Variants in MPZL3 observed in about 807,000 individuals in gnomAD.
MPZL3 encodes the protein myelin protein zero like 3, also known as myelin protein zero-like protein 3.
Under a neutral mutation model 24.8 loss-of-function variants are expected in MPZL3, and 23 were observed. That is an observed-to-expected ratio of 0.93 (90% CI 0.67 to 1.31). MPZL3 has a LOEUF of 1.31. Ranked by LOEUF, MPZL3 falls within the 40% of genes most tolerant of loss-of-function variation. The pLI is 0.00. For missense variants in MPZL3, 277 were observed against 294.9 expected (o/e 0.94, Z 0.44); for synonymous variants, 99 against 106.5 (o/e 0.93, Z 0.44).
chr11:118,249,053 T>TGTTG (rs993868939), intron 1 of MPZL3, among the ~76,000 whole-genome samples: 1 of 151,826 alleles, frequency 6.6e-6, no homozygotes, highest in African/African-American at 2.4e-5. Context: ...TTTGTTTGTT[T>TGTTG]GTTTTTTGAG....
chr11:118,230,012 G>C, intron 5 of MPZL3, 92 bp from the exon 6 acceptor site: 1 of 1,191,312 alleles, frequency 8.4e-7, no homozygotes. Flanking sequence ...ATGGAACCTG[G>C]CTTGGGGAGA....
At chr11:118,246,696 C>T (rs552259129) in intron 1 of MPZL3, among the ~76,000 whole-genome samples, 12 of 151,326 alleles carry the variant, frequency 7.9e-5, no homozygotes, top group Non-Finnish European at 1.6e-4. Flanking sequence ...GTGATCCTCC[C>T]ATCTCAGCCT....
intron 1 of MPZL3, among the ~76,000 whole-genome samples, chr11:118,250,558 C>A (rs1949608147): frequency 6.6e-6 from 1 of 150,668 alleles, no homozygotes; most frequent in African/African-American, 2.5e-5. Flanking sequence ...ATATGATAAA[C>A]CAGTTGTTTC....
At chr11:118,231,788 T>A (rs1949355133) in intron 5 of MPZL3, among the ~76,000 whole-genome samples, 1 of 152,148 alleles carries the variant, frequency 6.6e-6, no homozygotes, top group African/African-American at 2.4e-5. Context: ...CTTCAAACTA[T>A]AATCAGAATA....
intron 1 of MPZL3, among the ~76,000 whole-genome samples, chr11:118,243,334 T>C (rs1445581150): frequency 1.3e-5 from 2 of 152,174 alleles, no homozygotes; most frequent in Admixed American, 6.5e-5. Flanking sequence ...CGAGGCCATA[T>C]AAACGGCCCA....
chr11:118,235,456 G>A lies in MPZL3; in HGVS notation c.585C>T (p.Gly195=). The A allele has an allele frequency of 1.2e-6, 2 of 1,613,858 alleles. No individual in the cohort carries two copies. Among genetic ancestry groups the A allele is most frequent in the Non-Finnish European group, 1.7e-6 (2 of 1,179,884 alleles). The stretch of plus-strand genomic sequence containing the variant: ...AAACCTCAATAGATGACTTCTTATA[G>A]CCAGACCTGCTCCTCTTCTTCAGCC... ...AAGLKKRSRS[G]YKKSSIEVSD... is the part of the protein sequence containing the mutation. The change falls in exon 4 of 6, where the codon GGC becomes GGT. Residue 195 remains glycine (G), a synonymous_variant. Transcript: ENST00000278949.
rs1018293160 is a variant in MPZL3, at chr11:118,228,446, T to C, written c.*1448A>G. The C allele has an allele frequency of 6.6e-6, 1 of 152,226 alleles. No homozygotes were observed. The highest frequency in any genetic ancestry group is 1.5e-5 in the Non-Finnish European group (1 of 68,046). The allele number at this position is 152,226 out of a possible 1,614,324, so 9.4% of individuals were successfully genotyped here. A position where few individuals can be genotyped will look rare whatever the true frequency, so the allele number is the denominator to read the frequency against. ...ACTATTACAGAAGACTATTTATATA[T>C]GCACCATCCATCTTTACTGATATAC... is the stretch of plus-strand genomic sequence containing the variant. On this transcript the variant is annotated 3_prime_UTR_variant, in exon 6 of 6. Transcript: ENST00000278949.
chr11:118,249,651 G>C (rs73024606), intron 1 of MPZL3, among the ~76,000 whole-genome samples: 63,446 of 151,470 alleles, frequency 0.42, 15,131 homozygotes, highest in South Asian at 0.72. Flanking sequence ...AATCTTGTAT[G>C]CCCCATTTTC....
rs539824795 is a variant in MPZL3 at position 118,244,918 on chromosome 11, T to C, written c.74-4541A>G. ...GGTGAAACCCCGTCTCTACTAAAAA[T>C]ACAAAAAATTAGTGGGGCGTGGTGG... On this transcript the variant is annotated intron_variant, in intron 1 of 5. Transcript: ENST00000278949. Among the ~76,000 whole-genome samples, 39 of 151,848 alleles carry C rather than the reference T, an allele frequency of 2.6e-4. 1 individual carries two copies. The South Asian group carries it at 7.5e-3, about 29-fold the overall frequency.
In MPZL3 at chr11:118,240,993, C is replaced by T. The variant is rs148341133; in HGVS notation, c.74-616G>A. Among the ~76,000 whole-genome samples the T allele has an allele frequency of 1.4e-3, 209 of 152,288 alleles. 1 individual carries two copies. The highest frequency in any genetic ancestry group is 4.8e-3 in the African/African-American group (201 of 41,536). On this transcript the variant is annotated intron_variant, in intron 1 of 5. Transcript: ENST00000278949. ...AAAGCTGGCTGAGGAATCACACATCCATTAAAAGTAAATCATGGAGAAGAA... is the reference window on the plus strand; with the variant it reads ...AAAGCTGGCTGAGGAATCACACATCTATTAAAAGTAAATCATGGAGAAGAA...
intron 5 of MPZL3, among the ~76,000 whole-genome samples, chr11:118,231,570 G>C (rs966168024): frequency 1.3e-5 from 2 of 152,012 alleles, no homozygotes; most frequent in African/African-American, 4.8e-5. Flanking sequence ...ATCTCCACTT[G>C]GAAGTTTAAT....
At position 118,226,959 on chromosome 11, in the gene MPZL3, A is replaced by G. The variant is rs1949279071; in HGVS notation, c.*2935T>C. On this transcript the variant is annotated 3_prime_UTR_variant, in exon 6 of 6. Transcript: ENST00000278949. ...CTTCTTACAGTTTCCCTTTAGAACC[A>G]TAACTGAGTGACTTAGTAGAACATT... The G allele has an allele frequency of 6.6e-6, 1 of 152,240 alleles. No homozygotes were observed. The highest frequency in any genetic ancestry group is 1.5e-5 in the Non-Finnish European group (1 of 68,046). The allele number at this position is 152,240 out of a possible 1,614,324, so 9.4% of individuals were successfully genotyped here. A position where few individuals can be genotyped will look rare whatever the true frequency, so the allele number is the denominator to read the frequency against.
chr11:118,244,107 C>T (rs1424668965), intron 1 of MPZL3, among the ~76,000 whole-genome samples: 3 of 152,204 alleles, frequency 2.0e-5, no homozygotes, highest in African/African-American at 4.8e-5. Flanking sequence ...CTTTTCTATA[C>T]TTATTTTACT....
intron 1 of MPZL3, among the ~76,000 whole-genome samples, chr11:118,250,168 A>ATTTTTTTTTT (rs71041823): frequency 9.6e-5 from 10 of 104,260 alleles, no homozygotes; most frequent in Non-Finnish European, 1.5e-4. Flanking sequence ...CACCTGGCTA[A>ATTTTTTTTTT]TTTTTTTTTT....
At chr11:118,234,833 T>G (rs530070104) in intron 4 of MPZL3, among the ~76,000 whole-genome samples, 13 of 152,258 alleles carry the variant, frequency 8.5e-5, no homozygotes, top group African/African-American at 3.1e-4. Flanking sequence ...AAAGGGGTTT[T>G]ACGTAGATTT....
rs543242020 is a variant in MPZL3, at chr11:118,233,535, G to C, written c.618-12C>G. 1 of 1,613,588 alleles carries C rather than the reference G, an allele frequency of 6.2e-7. No homozygotes were observed. The highest frequency in any genetic ancestry group is 2.2e-5 in the East Asian group (1 of 44,862). On this transcript the variant is annotated splice_polypyrimidine_tract_variant and intron_variant, in intron 4 of 5. Coordinates refer to ENST00000278949, the MANE Select transcript of MPZL3 (RefSeq NM_198275.3). ...CCTCCTGATCAGTGCTGTAAAAAGAGGACAAACCAAATCTGAATCACCACT... is the reference window on the plus strand; with the variant it reads ...CCTCCTGATCAGTGCTGTAAAAAGACGACAAACCAAATCTGAATCACCACT...
Position 118,233,450 on chromosome 11 carries a change from A to G in MPZL3, c.681+10T>C. The G allele has an allele frequency of 6.2e-7, 1 of 1,613,730 alleles. No individual in the cohort carries two copies. The highest frequency in any genetic ancestry group is 1.3e-5 in the African/African-American group (1 of 75,018). On this transcript the variant is annotated intron_variant, in intron 5 of 5. Coordinates refer to ENST00000278949, the MANE Select transcript of MPZL3 (RefSeq NM_198275.3). The stretch of plus-strand genomic sequence containing the variant: ...ATCAACAGTAAGCAGAAGGAATGGC[A>G]TGCACTTACCAGGCACTCAGCGCAA...
rs1347387750 is a variant in MPZL3 at position 118,226,898 on chromosome 11, CA to C, written c.*2995del. The C allele has an allele frequency of 1.3e-5, 2 of 152,220 alleles. No individual in the cohort carries two copies. The highest frequency in any genetic ancestry group is 2.9e-5 in the Non-Finnish European group (2 of 68,026). The allele number at this position is 152,220 out of a possible 1,614,324, so 9.4% of individuals were successfully genotyped here. On this transcript the variant is annotated 3_prime_UTR_variant, in exon 6 of 6. Coordinates refer to ENST00000278949, the MANE Select transcript of MPZL3 (RefSeq NM_198275.3). ...TCTGGCAGCAAAGTTTCAAGTTGTG[CA>C]ATTAAATAATAGTCTTGGTCCACTC...
rs1949629525 is a variant in MPZL3, at chr11:118,252,231, A to C, written c.64T>G (p.Phe22Val). ...CALFPLLGVL[F>V]FQGVYIVFSL... Reference sequence around the variant, plus strand: ...CAGCCGGAGCACTCACCCTGGAAGAACAGGACGCCCAGCAGAGGGAAGAGA... The same window carrying C: ...CAGCCGGAGCACTCACCCTGGAAGACCAGGACGCCCAGCAGAGGGAAGAGA... The change falls in exon 1 of 6, where the codon TTC becomes GTC. Residue 22 changes from phenylalanine to valine, a missense_variant. Coordinates refer to ENST00000278949, the MANE Select transcript of MPZL3 (RefSeq NM_198275.3). 5.6e-6 allele frequency: 9 copies of C among 1,613,804 alleles called. No individual in the cohort carries two copies. Among genetic ancestry groups the C allele is most frequent in the Non-Finnish European group, 7.6e-6 (9 of 1,179,958 alleles).
Sources: allele counts gnomAD v4.1 joint callset (sites outside exome capture counted in the v4.1 genomes callset), GRCh38; gene constraint gnomAD v4.1.1; transcripts MANE v1.5; gene names NCBI Gene and HGNC (gene_info 2026-07-23, HGNC 2026-07-21).